Variants in CEP128 observed in about 807,000 individuals in gnomAD.
The protein encoded by CEP128 is centrosomal protein 128kDa.
In CEP128, 132 loss-of-function variants were observed where a neutral mutation model predicts 156.7. That is an observed-to-expected ratio of 0.84 (90% CI 0.73 to 0.97). The LOEUF is 0.97. CEP128 is among the 50% of genes least tolerant of loss of function. The pLI, the probability that CEP128 is intolerant of heterozygous loss-of-function variation, is 0.00. For synonymous variants in CEP128, 469 were observed against 448.9 expected (o/e 1.04, Z -0.57); for missense variants, 1,252 against 1,281.9 (o/e 0.98, Z 0.36).
chr14:80,568,589 G>T (rs769850168), intron 20 of CEP128, among the ~76,000 whole-genome samples: 1 of 152,142 alleles, frequency 6.6e-6, no homozygotes, highest in Non-Finnish European at 1.5e-5. Context: ...GATCAACATC[G>T]AAGCAGAAAG....
Position 80,874,333 on chromosome 14 carries a change from G to A in CEP128, c.646-11460C>T, listed in dbSNP as rs1343923561. On this transcript the variant is annotated intron_variant, in intron 8 of 24. Coordinates refer to ENST00000555265, the MANE Select transcript of CEP128 (RefSeq NM_152446.5). ...ACAAAAATTAGCCAAGTGTCATGGT[G>A]TACAACTGTAATCCCAGTTACTCAG... Among the ~76,000 whole-genome samples, 16 of 151,884 alleles carry A rather than the reference G, an allele frequency of 1.1e-4. No homozygotes were observed. In the East Asian group the frequency reaches 1.2e-3, roughly 11 times the overall value.
At chr14:80,617,444 C>T (rs1385599141) in intron 19 of CEP128, among the ~76,000 whole-genome samples, 1 of 151,848 alleles carries the variant, frequency 6.6e-6, no homozygotes, top group Non-Finnish European at 1.5e-5. Flanking sequence ...ACCATCTTAG[C>T]CAGAATGGTC....
intron 13 of CEP128, chr14:80,830,078 TTTAGCATTTTCATCAGCAGGATCAAG>T (rs1226161627): frequency 2.5e-6 from 1 of 406,740 alleles, no homozygotes; most frequent in African/African-American, 2.0e-5. Context: ...ATAATCATAT[TTTAGCATTTTCATCAGCAGGATCAAG>T]GGCTAAAATA....
intron 15 of CEP128, among the ~76,000 whole-genome samples, chr14:80,782,041 C>A (rs1465156035): frequency 6.6e-6 from 1 of 152,196 alleles, no homozygotes; most frequent in Non-Finnish European, 1.5e-5. Flanking sequence ...ATGCCAGTTT[C>A]TCCTAACAAA....
chr14:80,751,301 T>G (rs1262206967), intron 18 of CEP128, among the ~76,000 whole-genome samples: 1 of 152,200 alleles, frequency 6.6e-6, no homozygotes. Flanking sequence ...TGAATTTGTA[T>G]GCAGAATATA....
At chr14:80,921,587 G>GAAAGGCAGAGGTA (rs1884863899) in intron 2 of CEP128, among the ~76,000 whole-genome samples, 1 of 152,164 alleles carries the variant, frequency 6.6e-6, no homozygotes, top group Non-Finnish European at 1.5e-5. Context: ...GAGGTGTGGG[G>GAAAGGCAGAGGTA]AAAGGCAGAG....
chr14:80,726,795 AT>A (rs1182767939), intron 19 of CEP128, among the ~76,000 whole-genome samples: 1 of 152,114 alleles, frequency 6.6e-6, no homozygotes, highest in African/African-American at 2.4e-5. Flanking sequence ...AGGAAAAAGA[AT>A]TTTAAAAGGA....
chr14:80,828,894 ATC>A (rs1318356965), intron 13 of CEP128, among the ~76,000 whole-genome samples: 1 of 152,148 alleles, frequency 6.6e-6, no homozygotes, highest in East Asian at 1.9e-4. Flanking sequence ...AAGAAGATTA[ATC>A]TCTCTTTTTT....
At chr14:80,772,658 G>C (rs1900576127) in intron 16 of CEP128, among the ~76,000 whole-genome samples, 1 of 152,146 alleles carries the variant, frequency 6.6e-6, no homozygotes. Context: ...ACCCACGCCT[G>C]GATGCTACTG....
At chr14:80,751,868 T>C (rs961094470) in intron 18 of CEP128, among the ~76,000 whole-genome samples, 4 of 152,166 alleles carry the variant, frequency 2.6e-5, no homozygotes, top group Non-Finnish European at 4.4e-5. Flanking sequence ...CAACCTCAGA[T>C]GAACTATCCA....
chr14:80,836,267 TGA>T lies in CEP128; in HGVS notation c.993_994del (p.Gln332AspfsTer11). 1 of 1,613,954 alleles carries T rather than the reference TGA, an allele frequency of 6.2e-7. No individual in the cohort carries two copies. Among genetic ancestry groups the T allele is most frequent in the Non-Finnish European group, 8.5e-7 (1 of 1,179,820 alleles). ...ATAGTTTGACTGTTGCTTGGAAATC[TGA>T]GATACTTGATGCTGTAAACCCTTTC... On this transcript the variant is annotated frameshift_variant, in exon 12 of 25. Transcript: ENST00000555265. LOFTEE classifies it high-confidence loss of function.
chr14:80,657,956 G>A (rs1035576104), intron 19 of CEP128, among the ~76,000 whole-genome samples: 5 of 152,004 alleles, frequency 3.3e-5, no homozygotes, highest in African/African-American at 1.2e-4. Context: ...CGTAAACCAA[G>A]TTTAAATTCA....
intron 9 of CEP128, among the ~76,000 whole-genome samples, chr14:80,857,545 C>A (rs1887250076): frequency 6.6e-6 from 1 of 151,568 alleles, no homozygotes; most frequent in Admixed American, 6.6e-5. Flanking sequence ...CCAGCCTGGG[C>A]AATATGGTAA....
chr14:80,509,149 C>T (rs1443333955), intron 23 of CEP128, among the ~76,000 whole-genome samples: 1 of 152,116 alleles, frequency 6.6e-6, no homozygotes, highest in Non-Finnish European at 1.5e-5. Context: ...CATTTGGTCC[C>T]TGTATACCTA....
At chr14:80,856,400 A>C (rs2043038966) in intron 9 of CEP128, among the ~76,000 whole-genome samples, 2 of 152,124 alleles carry the variant, frequency 1.3e-5, no homozygotes, top group Admixed American at 6.6e-5. Context: ...AATCCCAGCA[A>C]GTTGGGAAGC....
At chr14:80,554,772 G>T (rs556555748) in intron 21 of CEP128, among the ~76,000 whole-genome samples, 1 of 151,346 alleles carries the variant, frequency 6.6e-6, no homozygotes, top group East Asian at 1.9e-4. Flanking sequence ...TACTTTGTTA[G>T]CCCTATTGCA....
chr14:80,876,394 G>A (rs771624825), intron 8 of CEP128, among the ~76,000 whole-genome samples: 6 of 151,924 alleles, frequency 3.9e-5, no homozygotes, highest in Non-Finnish European at 5.9e-5. Context: ...TCAGGAGATC[G>A]AGACCATCCT....
At chr14:80,955,667 G>A in intron 2 of CEP128, 1 of 1,613,606 alleles carries the variant, frequency 6.2e-7, no homozygotes, top group Non-Finnish European at 8.5e-7. Context: ...AAATAGCCCC[G>A]AGTCCCGTGG....
At chr14:80,939,898 T>C (rs1254996439) in intron 1 of CEP128, among the ~76,000 whole-genome samples, 1 of 152,230 alleles carries the variant, frequency 6.6e-6, no homozygotes, top group African/African-American at 2.4e-5. Flanking sequence ...TACTGCTGAA[T>C]GTGGTGACCC....
Sources: gnomAD v4.1 joint callset for allele counts (sites outside exome capture counted in the v4.1 genomes callset) on GRCh38, gnomAD v4.1.1 for gene constraint, MANE v1.5 for transcripts, NCBI Gene and HGNC (gene_info 2026-07-23, HGNC 2026-07-21) for gene names.